AGXT2: variants seen among roughly 807,000 people sequenced by gnomAD.
AGXT2 encodes the protein alanine--glyoxylate aminotransferase 2, mitochondrial.
AGXT2 carries 61 observed loss-of-function variants against 62.5 expected under a neutral mutation model. The observed-to-expected ratio is 0.98, with a 90% CI of 0.79 to 1.21. The LOEUF is 1.21. Among genes scored for constraint, AGXT2 ranks in the 50% most tolerant of loss-of-function variants. AGXT2 has a pLI of 0.00. For synonymous variants in AGXT2, 243 were observed against 218.7 expected, an observed-to-expected ratio of 1.11 and a Z score of -0.98; for missense variants, 666 against 641.5, an observed-to-expected ratio of 1.04 and a Z score of -0.41.
chr5:35,047,366 C>T, intron 1 of AGXT2, among the ~76,000 whole-genome samples: 1 of 152,104 alleles, frequency 6.6e-6, no homozygotes, highest in Admixed American at 6.5e-5. Flanking sequence ...TTATTTGAGC[C>T]TTGGAGGTCA....
At chr5:35,038,005 GA>G (rs1316421522) in intron 3 of AGXT2, among the ~76,000 whole-genome samples, 1 of 152,034 alleles carries the variant, frequency 6.6e-6, no homozygotes, top group Non-Finnish European at 1.5e-5. Context: ...TTTCACATCA[GA>G]AAAAAATCAA....
chr5:35,002,785 G>A (rs999315355), intron 13 of AGXT2, among the ~76,000 whole-genome samples: 39 of 151,964 alleles, frequency 2.6e-4, no homozygotes, highest in Admixed American at 1.3e-4. Flanking sequence ...CTGGGGGGGG[G>A]GACTAACACG....
At chr5:35,023,176 AGAAAAAAG>A (rs765677176) in intron 9 of AGXT2, among the ~76,000 whole-genome samples, 25 of 130,506 alleles carry the variant, frequency 1.9e-4, no homozygotes, top group Admixed American at 3.1e-4. Flanking sequence ...AAAAAAAAAA[AGAAAAAAG>A]AAAAAAGAAA....
rs370042731 is a variant in AGXT2, at chr5:35,036,954, A to C, written c.474T>G (p.Pro158=). 14 of 1,613,994 alleles carry C rather than the reference A, an allele frequency of 8.7e-6. No homozygotes were observed. Among genetic ancestry groups the C allele is most frequent in the Non-Finnish European group, 1.2e-5 (14 of 1,179,980 alleles). Residue 158 remains proline (P), a synonymous_variant, in exon 4 of 14, where the codon CCT becomes CCG. Coordinates refer to ENST00000231420, the MANE Select transcript of AGXT2 (RefSeq NM_031900.4). ...EYAEKLAALL[P]EPLKVIFLVN... Reference sequence around the variant, plus strand: ...AAGAGCATTGTACCTTAAGAGGCTCAGGAAGAAGTGCGGCAAGCTTCTCTG... The same window carrying C: ...AAGAGCATTGTACCTTAAGAGGCTCCGGAAGAAGTGCGGCAAGCTTCTCTG...
rs1766753180 is a variant in AGXT2 at position 35,014,088 on chromosome 5, T to G, written c.995A>C (p.His332Pro). 1 of 1,614,064 alleles carries G rather than the reference T, an allele frequency of 6.2e-7. No individual in the cohort carries two copies. The highest frequency in any genetic ancestry group is 8.5e-7 in the Non-Finnish European group (1 of 1,180,006). Residue 332 changes from histidine (H) to proline (P), a missense_variant, in exon 10 of 14, where the codon CAC becomes CCC. Coordinates refer to ENST00000231420, the MANE Select transcript of AGXT2 (RefSeq NM_031900.4). ...VQTGFGRLGS[H>P]FWGFQTHDVL... The stretch of plus-strand genomic sequence containing the variant: ...ATCGTGGGTTTGGAAGCCCCAGAAG[T>G]GAGAGCCCAACCTTCCAAATCCTGT...
intron 9 of AGXT2, 61 bp downstream of exon 9, chr5:35,025,702 G>C: frequency 6.5e-7 from 1 of 1,538,930 alleles, no homozygotes; most frequent in Non-Finnish European, 9.0e-7. Flanking sequence ...AGTTTAGGAG[G>C]TTTCTGTCTG....
At chr5:35,019,488 G>A (rs1235256036) in intron 9 of AGXT2, among the ~76,000 whole-genome samples, 7 of 151,856 alleles carry the variant, frequency 4.6e-5, no homozygotes, top group Non-Finnish European at 7.4e-5. Context: ...GGTACATAAC[G>A]AAATGAAGGC....
At chr5:35,038,611 T>C (rs1767869379) in intron 3 of AGXT2, among the ~76,000 whole-genome samples, 1 of 152,232 alleles carries the variant, frequency 6.6e-6, no homozygotes, top group African/African-American at 2.4e-5. Context: ...CTTTGCCTCC[T>C]GCTTTGATGG....
chr5:35,026,585 G>T, intron 7 of AGXT2, 75 bp from the exon 8 acceptor site: 16 of 1,234,448 alleles, frequency 1.3e-5, no homozygotes, highest in East Asian at 2.5e-5. Context: ...GAAACATGGG[G>T]AAAAACAGGA....
rs371045517 is a variant in AGXT2 at position 35,033,659 on chromosome 5, G to T, written c.582-106C>A. 77 of 820,370 alleles carry T rather than the reference G, an allele frequency of 9.4e-5. 1 individual carries two copies. In the African/African-American group the frequency reaches 1.0e-3, roughly 11 times the overall value. The allele number at this position is 820,370 out of a possible 1,614,324, so 50.8% of individuals were successfully genotyped here. A position where few individuals can be genotyped will look rare whatever the true frequency, so the allele number is the denominator to read the frequency against. On this transcript the variant is annotated intron_variant, in intron 5 of 13. Coordinates refer to ENST00000231420, the MANE Select transcript of AGXT2 (RefSeq NM_031900.4). ...ATGAAGATGAAATAGAACATCATTC[G>T]CATTCACCTCTGATTTCTAAGAACG...
intron 9 of AGXT2, among the ~76,000 whole-genome samples, chr5:35,017,120 C>G (rs1580583024): frequency 6.6e-6 from 1 of 152,156 alleles, no homozygotes; most frequent in South Asian, 2.1e-4. Context: ...TGGCCCTCTG[C>G]ACTCAGGTTT....
intron 9 of AGXT2, among the ~76,000 whole-genome samples, chr5:35,025,475 A>T (rs529910085): frequency 2.0e-5 from 3 of 152,346 alleles, no homozygotes; most frequent in South Asian, 4.1e-4. Context: ...GAAAGGAATT[A>T]AAAAAATATA....
chr5:35,047,393 T>C (rs543462262), intron 1 of AGXT2, among the ~76,000 whole-genome samples: 24 of 152,158 alleles, frequency 1.6e-4, no homozygotes, highest in African/African-American at 5.8e-4. Flanking sequence ...CAGTGAACCA[T>C]GATCACACCA....
chr5:35,011,784 GA>G (rs199599127), intron 11 of AGXT2, among the ~76,000 whole-genome samples: 3,598 of 151,056 alleles, frequency 0.024, 90 homozygotes, highest in Non-Finnish European at 0.034. Flanking sequence ...CTACTCAAAG[GA>G]AAAAAAAGCC....
At position 35,036,928 on chromosome 5, in the gene AGXT2, G is replaced by A. The variant is rs754514226; in HGVS notation, c.486+14C>T. On this transcript the variant is annotated intron_variant, in intron 4 of 13. Coordinates refer to ENST00000231420, the MANE Select transcript of AGXT2 (RefSeq NM_031900.4). ...CCCCCATAACATTCACCTCCTGCAG[G>A]AAGAGCATTGTACCTTAAGAGGCTC... 44 of 1,613,768 alleles carry A rather than the reference G, an allele frequency of 2.7e-5. No individual in the cohort carries two copies. The highest frequency in any genetic ancestry group is 3.4e-5 in the Non-Finnish European group (40 of 1,179,910).
At chr5:35,021,242 C>A (rs1222883142) in intron 9 of AGXT2, among the ~76,000 whole-genome samples, 2 of 152,154 alleles carry the variant, frequency 1.3e-5, no homozygotes, top group South Asian at 4.1e-4. Flanking sequence ...CATATGGAAC[C>A]AAAGAAGAGC....
Position 35,026,459 on chromosome 5 carries a change from C to T in AGXT2, c.821G>A (p.Ser274Asn). Residue 274 changes from serine to asparagine, a missense_variant, in exon 8 of 14, where the codon AGC (serine) becomes AAC (asparagine). Coordinates refer to ENST00000231420, the MANE Select transcript of AGXT2 (RefSeq NM_031900.4). ...AGCAATTGACTTGGCCACAGATGTG[C>T]TCAGCGTATCTTTGAATTGCTCAAT... ...QYIEQFKDTL[S>N]TSVAKSIAGF... 6.2e-7 allele frequency: 1 copy of T among 1,614,110 alleles called. No homozygotes were observed. The highest frequency in any genetic ancestry group is 2.2e-5 in the East Asian group (1 of 44,874).
intron 7 of AGXT2, chr5:35,026,987 G>A: frequency 2.0e-6 from 2 of 985,414 alleles, no homozygotes; most frequent in Non-Finnish European, 2.4e-6. Flanking sequence ...TAGTAAATAT[G>A]CTTGTAGAAC....
intron 6 of AGXT2, 76 bp downstream of exon 6, chr5:35,033,384 T>C (rs772915208): frequency 8.5e-7 from 1 of 1,170,642 alleles, no homozygotes; most frequent in East Asian, 2.3e-5. Context: ...CTAATCCTTA[T>C]ACCAGGAAAA....
Sources: gnomAD v4.1 joint callset for allele counts (sites outside exome capture counted in the v4.1 genomes callset) on GRCh38, gnomAD v4.1.1 for gene constraint, MANE v1.5 for transcripts, NCBI Gene and HGNC (gene_info 2026-07-23, HGNC 2026-07-21) for gene names.